Variants in BLM observed in about 807,000 individuals in gnomAD.
BLM encodes the protein BLM RecQ like helicase.
In BLM, 95 loss-of-function variants were observed where a neutral mutation model predicts 135.3. The observed-to-expected ratio is 0.70, with a 90% confidence interval of 0.59 to 0.83. BLM has a LOEUF of 0.83. Among genes scored for constraint, BLM ranks in the 40% least tolerant of loss-of-function variants. The pLI, the probability that BLM is intolerant of heterozygous loss-of-function variation, is 0.00. For missense variants in BLM, 1,518 were observed against 1,663.9 expected (o/e 0.91, Z 1.53); for synonymous variants, 520 against 589.2 (o/e 0.88, Z 1.70).
chr15:90,769,214 G>C lies in BLM; in HGVS notation c.2389G>C (p.Ala797Pro), dbSNP rs1459262395. 1 of 1,611,694 alleles carries C rather than the reference G, an allele frequency of 6.2e-7. No individual in the cohort carries two copies. Among genetic ancestry groups the C allele is most frequent in the Non-Finnish European group, 8.5e-7 (1 of 1,177,764 alleles). ...KLLARFVIDE[A>P]HCVSQWGHDF... ...CTTGGCACGTTTTGTTATTGATGAA[G>C]CACATTGTGTCAGTCAGGTAAATAC... Residue 797 changes from alanine to proline, a missense_variant, in exon 11 of 22, where the codon GCA becomes CCA. By Grantham distance (27) the Ala-to-Pro change is conservative. This residue lies in a region of BLM where 626 missense variants were observed against 681.1 expected (regional missense o/e 0.92). Coordinates refer to ENST00000355112, the MANE Select transcript of BLM (RefSeq NM_000057.4).
chr15:90,731,439 A>G (rs1301761455), intron 1 of BLM, among the ~76,000 whole-genome samples: 2 of 152,126 alleles, frequency 1.3e-5, no homozygotes, highest in Admixed American at 1.3e-4. Flanking sequence ...TCGTTTATGT[A>G]AAACTGGAAT....
chr15:90,720,920 G>A (rs990987677), intron 1 of BLM, among the ~76,000 whole-genome samples: 3 of 152,072 alleles, frequency 2.0e-5, no homozygotes, highest in Non-Finnish European at 2.9e-5. Flanking sequence ...CTGGCTGGGC[G>A]CGGTAGCACA....
chr15:90,749,885 C>A lies in BLM; in HGVS notation c.617C>A (p.Thr206Asn), dbSNP rs932261711. 2 of 1,611,350 alleles carry A rather than the reference C, an allele frequency of 1.2e-6. No homozygotes were observed. Among genetic ancestry groups the A allele is most frequent in the African/African-American group, 2.7e-5 (2 of 74,790 alleles). The change falls in exon 3 of 22, where the codon ACT becomes AAT. Residue 206 changes from threonine to asparagine, a missense_variant. Physicochemically the swap from Thr to Asn is moderately conservative, Grantham distance 65. Around this residue, in one of 5 missense-constraint regions of BLM, gnomAD observed 724 missense variants for 756.9 expected, o/e 0.96. Transcript: ENST00000355112. ...CTTTATACAACAAACACAGTAAAGA[C>A]TGATTTGCCTCCACCCTCCTCTGAA... The part of the protein sequence containing the change: ...AQLYTTNTVK[T>N]DLPPPSSESE...
chr15:90,751,517 G>A (rs577459265), intron 3 of BLM, among the ~76,000 whole-genome samples: 3 of 152,330 alleles, frequency 2.0e-5, no homozygotes, highest in African/African-American at 7.2e-5. Flanking sequence ...TAGCAAATAC[G>A]TGTTTCGTAA....
rs1251281091 is a variant in BLM, at chr15:90,749,748, T to C, written c.480T>C (p.Phe160=). Residue 160 remains phenylalanine, a synonymous_variant, in exon 3 of 22, where the codon TTT becomes TTC. Coordinates refer to ENST00000355112, the MANE Select transcript of BLM (RefSeq NM_000057.4). ...ATGATTGGGATGATATGGATGACTTTGATACTTCTGAGACTTCAAAATCAT... is the reference window on the plus strand; with the variant it reads ...ATGATTGGGATGATATGGATGACTTCGATACTTCTGAGACTTCAAAATCAT... The part of the protein sequence containing the change: ...TINDWDDMDD[F]DTSETSKSFV... The C allele has an allele frequency of 1.9e-6, 3 of 1,614,094 alleles. No individual in the cohort carries two copies. Among genetic ancestry groups the C allele is most frequent in the Non-Finnish European group, 2.5e-6 (3 of 1,179,962 alleles).
At chr15:90,797,480 T>G (rs1815563276) in intron 16 of BLM, among the ~76,000 whole-genome samples, 1 of 151,338 alleles carries the variant, frequency 6.6e-6, no homozygotes, top group East Asian at 1.9e-4. Context: ...GCACTTTTTC[T>G]TGATGACTCT....
At position 90,793,213 on chromosome 15, in the gene BLM, A is replaced by T. The variant is rs3213194; in HGVS notation, c.3020-954A>T. ...TGTGATGGCACGATCTCAGCTCACT[A>T]CAACCTCCACCTCCTGGGTTCAAGC... On this transcript the variant is annotated intron_variant, in intron 15 of 21. Coordinates refer to ENST00000355112, the MANE Select transcript of BLM (RefSeq NM_000057.4). Among the ~76,000 whole-genome samples, 4 of 149,918 alleles carry T rather than the reference A, an allele frequency of 2.7e-5. No individual in the cohort carries two copies. The East Asian group carries it at 7.8e-4, about 29-fold the overall frequency.
At chr15:90,770,894 T>G (rs1323051185) in intron 12 of BLM, among the ~76,000 whole-genome samples, 1 of 152,258 alleles carries the variant, frequency 6.6e-6, no homozygotes, top group Non-Finnish European at 1.5e-5. Context: ...CAGGTTAAAC[T>G]GGCAGCTTCT....
At position 90,749,673 on chromosome 15, in the gene BLM, T is replaced by C. The variant is rs1489975728; in HGVS notation, c.405T>C (p.Ala135=). 6.2e-7 allele frequency: 1 copy of C among 1,614,056 alleles called. No homozygotes were observed. Among genetic ancestry groups the C allele is most frequent in the African/African-American group, 1.3e-5 (1 of 74,928 alleles). The change falls in exon 3 of 22, where the codon GCT becomes GCC. Residue 135 remains alanine (A), a synonymous_variant. Transcript: ENST00000355112. ...TPTVKKSRDT[A]LKKLEFSSSP... ...CTGTAAAGAAATCCCGGGATACTGC[T>C]CTCAAGAAATTAGAATTTAGTTCTT...
intron 4 of BLM, among the ~76,000 whole-genome samples, chr15:90,752,151 A>G (rs1596221562): frequency 6.6e-6 from 1 of 151,808 alleles, no homozygotes; most frequent in South Asian, 2.1e-4. Context: ...GATTAATTAC[A>G]TGAAACTTCA....
intron 1 of BLM, among the ~76,000 whole-genome samples, chr15:90,744,503 A>T (rs1267458845): frequency 1.3e-5 from 2 of 151,856 alleles, no homozygotes; most frequent in African/African-American, 4.8e-5. Flanking sequence ...TTCCCAAGTA[A>T]CTGGGATTAC....
At chr15:90,796,583 C>A (rs1043569472) in intron 16 of BLM, among the ~76,000 whole-genome samples, 1 of 152,148 alleles carries the variant, frequency 6.6e-6, no homozygotes, top group Non-Finnish European at 1.5e-5. Flanking sequence ...AGCTCCTGGG[C>A]CATAGTTTGC....
intron 1 of BLM, among the ~76,000 whole-genome samples, chr15:90,742,590 G>GTC (rs774912502): frequency 6.0e-5 from 9 of 150,540 alleles, no homozygotes; most frequent in Admixed American, 1.3e-4. Context: ...TCCATCCCAT[G>GTC]TCTCTCTCTC....
At chr15:90,736,731 A>T (rs1895227616) in intron 1 of BLM, among the ~76,000 whole-genome samples, 1 of 143,426 alleles carries the variant, frequency 7.0e-6, no homozygotes, top group Admixed American at 6.8e-5. Context: ...AAATCTTTGC[A>T]AACGGGTGTA....
At chr15:90,734,692 C>A (rs1302843401) in intron 1 of BLM, among the ~76,000 whole-genome samples, 1 of 113,794 alleles carries the variant, frequency 8.8e-6, no homozygotes, top group African/African-American at 3.7e-5. Flanking sequence ...CACACACACA[C>A]ACGCAGAGAG....
rs1275109781 is a variant in BLM at position 90,815,492 on chromosome 15, C to T, written c.*213C>T. ...TTGCTGCCGCTGCAAGTGTTGTGGC[C>T]GTTGTTTCTCAGAACGTCTGAGGCA... On this transcript the variant is annotated 3_prime_UTR_variant, in exon 22 of 22. Coordinates refer to ENST00000355112, the MANE Select transcript of BLM (RefSeq NM_000057.4). The surrounding 1 kb of genome is among the most constrained non-coding windows in gnomAD (Gnocchi z 4.6). 1.7e-5 allele frequency: 10 copies of T among 585,948 alleles called. No homozygotes were observed. The highest frequency in any genetic ancestry group is 9.8e-5 in the Admixed American group (3 of 30,730). 36.3% of individuals were successfully genotyped at this position (585,948 alleles called of 1,614,324 possible).
At chr15:90,759,131 A>G (rs1032640908) in intron 5 of BLM, among the ~76,000 whole-genome samples, 1 of 152,194 alleles carries the variant, frequency 6.6e-6, no homozygotes, top group African/African-American at 2.4e-5. Context: ...TTAAATGAAA[A>G]CAGTTATGAG....
chr15:90,810,307 A>G (rs1420381168), intron 20 of BLM, among the ~76,000 whole-genome samples: 1 of 152,170 alleles, frequency 6.6e-6, no homozygotes, highest in Non-Finnish European at 1.5e-5. Context: ...CACCTGCCTC[A>G]GCCTCCTGAA....
intron 16 of BLM, among the ~76,000 whole-genome samples, chr15:90,796,619 G>T (rs1161463584): frequency 2.0e-5 from 3 of 152,186 alleles, no homozygotes; most frequent in South Asian, 4.1e-4. Flanking sequence ...GAGAATGGAG[G>T]AATGATAGGC....
Sources: gnomAD v4.1 joint callset for allele counts (sites outside exome capture counted in the v4.1 genomes callset) on GRCh38, gnomAD v4.1.1 for gene constraint, gnomAD v4.1.1 regional missense constraint, Gnocchi (gnomAD v3.1) non-coding constraint, MANE v1.5 for transcripts, NCBI Gene and HGNC (gene_info 2026-07-23, HGNC 2026-07-21) for gene names.